SCOC: variants seen among roughly 807,000 people sequenced by gnomAD.
The protein encoded by SCOC is short coiled coil protein.
A neutral mutation model predicts 9.9 loss-of-function variants in SCOC; 7 were observed. The observed-to-expected ratio is 0.71, with a 90% CI of 0.40 to 1.33. The LOEUF (loss-of-function observed/expected upper bound fraction) is 1.33, where lower values mean the gene tolerates loss of function less well. Ranked by LOEUF, SCOC falls within the 40% of genes most tolerant of loss-of-function variation. The probability of loss-of-function intolerance (pLI) is 0.01; values close to 1 mark genes in which losing one functional copy is unlikely to be tolerated. For missense variants in SCOC, 66 were observed against 89.7 expected, an observed-to-expected ratio of 0.74 and a Z score of 1.07; for synonymous variants, 19 against 28.2, an observed-to-expected ratio of 0.67 and a Z score of 1.03.
At chr4:140,276,448 C>T (rs1182157277) in intron 1 of SCOC, among the ~76,000 whole-genome samples, 1 of 150,096 alleles carries the variant, frequency 6.7e-6, no homozygotes, top group African/African-American at 2.5e-5. Context: ...CAAACTCTCA[C>T]AGGTTTTTGT....
intron 3 of SCOC, among the ~76,000 whole-genome samples, chr4:140,380,155 G>A (rs903909337): frequency 4.1e-5 from 6 of 147,914 alleles, no homozygotes; most frequent in Admixed American, 2.0e-4. Flanking sequence ...GTTAATAAAA[G>A]TCATCTGTGA....
intron 1 of SCOC, among the ~76,000 whole-genome samples, chr4:140,316,806 TG>T (rs1217802521): frequency 4.6e-5 from 7 of 152,190 alleles, no homozygotes. Flanking sequence ...ACTAGGTGCC[TG>T]GGAATGGATT....
chr4:140,352,410 T>G (rs1727020457), intron 2 of SCOC, among the ~76,000 whole-genome samples: 1 of 152,130 alleles, frequency 6.6e-6, no homozygotes, highest in South Asian at 2.1e-4. Flanking sequence ...GACAGTGGCA[T>G]TAGGAATACC....
At chr4:140,354,706 C>A (rs1343824427) in intron 2 of SCOC, among the ~76,000 whole-genome samples, 1 of 151,362 alleles carries the variant, frequency 6.6e-6, no homozygotes, top group Non-Finnish European at 1.5e-5. Flanking sequence ...ATGATTATAT[C>A]CTTAAGGGTT....
upstream of SCOC, among the ~76,000 whole-genome samples, chr4:140,371,779 G>A (rs1728068099): frequency 6.6e-6 from 1 of 152,178 alleles, no homozygotes; most frequent in Non-Finnish European, 1.5e-5. Context: ...CAAAAGAACT[G>A]AAAAGAGGGT....
chr4:140,320,498 G>A (rs1461906797), intron 1 of SCOC, among the ~76,000 whole-genome samples: 1 of 152,126 alleles, frequency 6.6e-6, no homozygotes, highest in Admixed American at 6.6e-5. Flanking sequence ...CTTTCTCAGG[G>A]TGTGGATCAG....
At chr4:140,341,862 T>C (rs997193147), upstream of SCOC, among the ~76,000 whole-genome samples, 3 of 152,238 alleles carry the variant, frequency 2.0e-5, no homozygotes, top group Admixed American at 6.5e-5. Flanking sequence ...ACTCCTCTTA[T>C]GGTCAACTTT....
Position 140,334,549 on chromosome 4 carries a change from T to G in SCOC, c.-18-9072T>G, listed in dbSNP as rs559907015. On this transcript the variant is annotated intron_variant, in intron 1 of 4. Transcript: ENST00000394205. Reference sequence around the variant, plus strand: ...AAAATTTTAATTAAAAAAACACTAATAGCGAAACTGTTTTTTTTCCTAATT... The same window carrying G: ...AAAATTTTAATTAAAAAAACACTAAGAGCGAAACTGTTTTTTTTCCTAATT... Among the ~76,000 whole-genome samples the G allele has an allele frequency of 2.3e-4, 35 of 152,312 alleles. No homozygotes were observed. In the South Asian group the frequency reaches 6.6e-3, roughly 29 times the overall value.
chr4:140,362,299 C>CTTTTTTT (rs1183789218), intron 2 of SCOC, among the ~76,000 whole-genome samples: 142 of 38,170 alleles, frequency 3.7e-3, no homozygotes, highest in Middle Eastern at 0.012. Flanking sequence ...TCTTCTTCTT[C>CTTTTTTT]TTTTTTTTTT....
chr4:140,288,241 CCCA>C (rs1012855268), intron 1 of SCOC, among the ~76,000 whole-genome samples: 8 of 151,922 alleles, frequency 5.3e-5, no homozygotes, highest in African/African-American at 1.2e-4. Context: ...ATGTGTCACA[CCCA>C]CAATTCTATA....
chr4:140,325,906 T>A (rs894386917), intron 1 of SCOC, among the ~76,000 whole-genome samples: 1 of 152,224 alleles, frequency 6.6e-6, no homozygotes, highest in African/African-American at 2.4e-5. Flanking sequence ...TTATTCACAG[T>A]CATTCCAAAC....
At chr4:140,261,077 G>A (rs1162901313) in intron 1 of SCOC, among the ~76,000 whole-genome samples, 1 of 152,198 alleles carries the variant, frequency 6.6e-6, no homozygotes, top group Non-Finnish European at 1.5e-5. Flanking sequence ...AGGTACTAAG[G>A]TAGATTGATC....
chr4:140,366,610 G>T lies in SCOC; in HGVS notation c.71-12511G>T, dbSNP rs545570297. 3.2e-5 allele frequency: 51 copies of T among 1,606,510 alleles called. 2 individuals are homozygous for T. In the South Asian group the frequency reaches 5.4e-4, roughly 17 times the overall value. ...GGCCCATCGTGTGGCTGCCCATTTT[G>T]TATTGATGTTTGCCTTCTGCCAGGC... On this transcript the variant is annotated intron_variant, in intron 2 of 4. Transcript: ENST00000338517.
chr4:140,262,097 C>T (rs1054079040), intron 1 of SCOC, among the ~76,000 whole-genome samples: 2 of 152,186 alleles, frequency 1.3e-5, no homozygotes, highest in Admixed American at 6.5e-5. Flanking sequence ...TCAGAAAATA[C>T]ATTTTCATTG....
intron 2 of SCOC, among the ~76,000 whole-genome samples, chr4:140,356,681 A>C (rs1440100987): frequency 6.6e-6 from 1 of 152,172 alleles, no homozygotes; most frequent in Non-Finnish European, 1.5e-5. Flanking sequence ...CTCATTGCAT[A>C]CTGTCAGGTG....
intron 2 of SCOC, chr4:140,366,945 C>T (rs185073874): frequency 4.4e-4 from 228 of 514,648 alleles, no homozygotes; most frequent in Non-Finnish European, 7.2e-4. Context: ...GTGGCTCACG[C>T]ATGTAATCCC....
upstream of SCOC, among the ~76,000 whole-genome samples, chr4:140,340,415 G>A (rs559280944): frequency 2.0e-5 from 3 of 151,840 alleles, no homozygotes; most frequent in South Asian, 6.2e-4. Context: ...GTATATATAT[G>A]TAACAAACCT....
intron 1 of SCOC, among the ~76,000 whole-genome samples, chr4:140,267,977 AAG>A (rs1429895823): frequency 2.0e-5 from 3 of 152,324 alleles, no homozygotes; most frequent in South Asian, 4.1e-4. Context: ...GCCTTGCTGA[AAG>A]AGGTTTGTAG....
At chr4:140,310,232 A>G (rs1732111284) in intron 1 of SCOC, among the ~76,000 whole-genome samples, 1 of 152,200 alleles carries the variant, frequency 6.6e-6, no homozygotes, top group Non-Finnish European at 1.5e-5. Flanking sequence ...TCCATTGTTG[A>G]ATTCCTACAG....
Sources: allele counts gnomAD v4.1 joint callset (sites outside exome capture counted in the v4.1 genomes callset), GRCh38; gene constraint gnomAD v4.1.1; transcripts MANE v1.5; gene names NCBI Gene and HGNC (gene_info 2026-07-23, HGNC 2026-07-21).